Variants in MYO9A observed in about 807,000 individuals in gnomAD.
MYO9A encodes unconventional myosin-IXa.
A neutral mutation model predicts 293.3 loss-of-function variants in MYO9A; 103 were observed. The ratio of observed to expected loss-of-function variants is 0.35; its 90% CI spans 0.30 to 0.41. MYO9A has a LOEUF of 0.41. Among genes scored for constraint, MYO9A ranks in the 10% least tolerant of loss-of-function variants. The probability of loss-of-function intolerance (pLI) is 1.00; values close to 1 mark genes in which losing one functional copy is unlikely to be tolerated. For synonymous variants in MYO9A, 1,001 were observed against 1,035.7 expected (o/e 0.97, Z 0.64); for missense variants, 2,685 against 3,033.0 (o/e 0.89, Z 2.69).
At chr15:72,052,406 T>C (rs2078593201) in intron 1 of MYO9A, among the ~76,000 whole-genome samples, 1 of 152,204 alleles carries the variant, frequency 6.6e-6, no homozygotes, top group African/African-American at 2.4e-5. Flanking sequence ...ACCTTCCACT[T>C]GTCCGTGTAC....
At chr15:71,924,394 A>C (rs2058236562) in intron 18 of MYO9A, among the ~76,000 whole-genome samples, 1 of 151,894 alleles carries the variant, frequency 6.6e-6, no homozygotes, top group African/African-American at 2.4e-5. Flanking sequence ...GGCGCCTGCC[A>C]CCATGCCTGG....
intron 2 of MYO9A, chr15:72,041,767 G>C (rs1596454692): frequency 6.5e-6 from 1 of 153,478 alleles, no homozygotes. Flanking sequence ...GGCAGCGGTG[G>C]CAGCCACAGC....
At chr15:72,097,748 A>G (rs2080110635) in intron 1 of MYO9A, among the ~76,000 whole-genome samples, 1 of 152,096 alleles carries the variant, frequency 6.6e-6, no homozygotes, top group Non-Finnish European at 1.5e-5. Flanking sequence ...TGTCTCTACT[A>G]AAAATACAAA....
intron 14 of MYO9A, among the ~76,000 whole-genome samples, chr15:71,954,345 C>T (rs1289540074): frequency 1.3e-5 from 2 of 152,088 alleles, no homozygotes; most frequent in Non-Finnish European, 2.9e-5. Flanking sequence ...GAACTACAGG[C>T]GCCAGCCACC....
chr15:72,026,941 A>C (rs1038727478), intron 4 of MYO9A, among the ~76,000 whole-genome samples: 3 of 152,226 alleles, frequency 2.0e-5, no homozygotes, highest in Non-Finnish European at 4.4e-5. Context: ...AAAGTGTTTC[A>C]ATTAATAATC....
chr15:71,846,394 C>T (rs960283653), intron 39 of MYO9A, among the ~76,000 whole-genome samples: 1 of 152,158 alleles, frequency 6.6e-6, no homozygotes, highest in Non-Finnish European at 1.5e-5. Flanking sequence ...AAGTGTCTGA[C>T]AAACAGAAAT....
At chr15:71,944,438 T>C in intron 15 of MYO9A, among the ~76,000 whole-genome samples, 1 of 152,176 alleles carries the variant, frequency 6.6e-6, no homozygotes, top group East Asian at 1.9e-4. Flanking sequence ...TTACAAAAAT[T>C]TGTTTCTCAG....
At chr15:71,883,903 A>T (rs1436581407) in intron 27 of MYO9A, among the ~76,000 whole-genome samples, 167 bp from the exon 28 acceptor site, 2 of 148,702 alleles carry the variant, frequency 1.3e-5, no homozygotes, top group South Asian at 4.5e-4. Context: ...CTTCACCTGA[A>T]ACTGAAAGGC....
chr15:72,034,251 C>G (rs28707565), intron 2 of MYO9A, among the ~76,000 whole-genome samples: 1 of 152,154 alleles, frequency 6.6e-6, no homozygotes, highest in African/African-American at 2.4e-5. Flanking sequence ...ATGAGAAACT[C>G]TGAGGATAAG....
At chr15:71,975,438 T>A (rs2076118598) in intron 12 of MYO9A, among the ~76,000 whole-genome samples, 1 of 135,486 alleles carries the variant, frequency 7.4e-6, no homozygotes, top group Non-Finnish European at 1.7e-5. Flanking sequence ...TAGGTTTTCG[T>A]CCATGGTTCC....
rs756605396 is a variant in MYO9A, at chr15:71,826,998, T to TCAGACTTGC, written c.7220_7228dup (p.Gly2407_Ser2409dup). ...TTGCTTTCGCAACTTGCTGGAAGGT[T>TCAGACTTGC]CAGACTTGCCAGCTGTCTTCAGGGA... is the stretch of plus-strand genomic sequence containing the variant. On this transcript the variant is annotated inframe_insertion, in exon 42 of 42. Coordinates refer to ENST00000356056, the MANE Select transcript of MYO9A (RefSeq NM_006901.4). 6.2e-7 allele frequency: 1 copy of TCAGACTTGC among 1,610,300 alleles called. No individual in the cohort carries two copies. Among genetic ancestry groups the TCAGACTTGC allele is most frequent in the Non-Finnish European group, 8.5e-7 (1 of 1,178,528 alleles).
rs111947904 is a variant in MYO9A, at chr15:71,984,730, T to C, written c.1722+6373A>G. On this transcript the variant is annotated intron_variant, in intron 11 of 41. Coordinates refer to ENST00000356056, the MANE Select transcript of MYO9A (RefSeq NM_006901.4). The stretch of plus-strand genomic sequence containing the variant: ...TAAAAACCATCTGTGTCTTTTCAAT[T>C]TCACAGTACTTTTTAGTTCTAGGTT... 9.7e-3 allele frequency among the ~76,000 whole-genome samples: 1,476 copies of C among 152,322 alleles called. 28 individuals are homozygous for C. The highest frequency in any genetic ancestry group is 0.034 in the African/African-American group (1,405 of 41,556).
intron 1 of MYO9A, among the ~76,000 whole-genome samples, chr15:72,076,785 T>C (rs1385666861): frequency 2.0e-5 from 3 of 152,030 alleles, no homozygotes; most frequent in African/African-American, 4.8e-5. Context: ...GAATAGCCAA[T>C]ACAATATTGA....
At chr15:72,087,300 C>A (rs1006252637) in intron 1 of MYO9A, among the ~76,000 whole-genome samples, 1 of 152,334 alleles carries the variant, frequency 6.6e-6, no homozygotes, top group South Asian at 2.1e-4. Flanking sequence ...GGGAGCAAGT[C>A]AAGCCTAGGG....
chr15:72,070,252 G>T (rs2079148578), intron 1 of MYO9A, among the ~76,000 whole-genome samples: 1 of 151,426 alleles, frequency 6.6e-6, no homozygotes, highest in Non-Finnish European at 1.5e-5. Flanking sequence ...GACCAGCCTG[G>T]CCAACATGGT....
At chr15:72,075,174 C>A (rs959951719) in intron 1 of MYO9A, among the ~76,000 whole-genome samples, 3 of 151,922 alleles carry the variant, frequency 2.0e-5, no homozygotes, top group African/African-American at 7.3e-5. Flanking sequence ...CCATGTTGGT[C>A]AGGTTGGTCT....
intron 37 of MYO9A, 24 bp downstream of exon 37, chr15:71,851,229 C>T (rs755380924): frequency 4.6e-6 from 7 of 1,534,572 alleles, no homozygotes; most frequent in Middle Eastern, 1.7e-4. Context: ...TATTAAAAAT[C>T]GTTCCCTTGC....
chr15:71,960,365 T>G (rs2075707774), intron 13 of MYO9A: 2 of 290,176 alleles, frequency 6.9e-6, no homozygotes, highest in Non-Finnish European at 5.9e-6. Context: ...CACTCCTACT[T>G]CTCCATCTCG....
At chr15:72,018,895 A>G in intron 6 of MYO9A, 144 bp downstream of exon 6, 1 of 665,488 alleles carries the variant, frequency 1.5e-6, no homozygotes, top group Non-Finnish European at 2.6e-6. Context: ...CAATCATTCA[A>G]AAGAAATGAA....
Sources: allele counts gnomAD v4.1 joint callset (sites outside exome capture counted in the v4.1 genomes callset), GRCh38; gene constraint gnomAD v4.1.1; transcripts MANE v1.5; gene names NCBI Gene and HGNC (gene_info 2026-07-23, HGNC 2026-07-21).